The following SND1 variants were observed in gnomAD, a reference collection of about 807,000 sequenced individuals.
The protein encoded by SND1 is staphylococcal nuclease domain-containing protein 1.
In SND1, 38 loss-of-function variants were observed where a neutral mutation model predicts 121.7. The observed-to-expected ratio is 0.31, with a 90% confidence interval of 0.24 to 0.41. The LOEUF (loss-of-function observed/expected upper bound fraction) is 0.41, where lower values mean the gene tolerates loss of function less well. SND1 is among the 10% of genes least tolerant of loss of function. The probability of loss-of-function intolerance (pLI) is 1.00; values close to 1 mark genes in which losing one functional copy is unlikely to be tolerated. For missense variants in SND1, 868 were observed against 1,184.6 expected (o/e 0.73, Z 3.92); for synonymous variants, 401 against 447.4 (o/e 0.90, Z 1.31).
intron 16 of SND1, among the ~76,000 whole-genome samples, chr7:128,043,492 T>G (rs1354323040): frequency 6.6e-6 from 1 of 151,966 alleles, no homozygotes; most frequent in Non-Finnish European, 1.5e-5. Context: ...GAGAATCACT[T>G]GAACCCCAGA....
At chr7:128,060,047 G>A (rs1199795253) in intron 16 of SND1, among the ~76,000 whole-genome samples, 1 of 152,210 alleles carries the variant, frequency 6.6e-6, no homozygotes, top group African/African-American at 2.4e-5. Context: ...GAGTGGATCA[G>A]GGAAGGCTTC....
chr7:128,057,076 A>C (rs1031970633), intron 16 of SND1, among the ~76,000 whole-genome samples: 1 of 152,168 alleles, frequency 6.6e-6, no homozygotes, highest in African/African-American at 2.4e-5. Context: ...TCATCACGCT[A>C]CTCAGAACGG....
At chr7:127,712,582 A>G (rs1796315203) in intron 9 of SND1, among the ~76,000 whole-genome samples, 1 of 152,310 alleles carries the variant, frequency 6.6e-6, no homozygotes, top group East Asian at 1.9e-4. Flanking sequence ...TTGGCAGATT[A>G]GGGAGAGTGG....
intron 16 of SND1, 28 bp downstream of exon 16, chr7:127,991,084 G>A (rs967921251): frequency 1.3e-6 from 2 of 1,535,678 alleles, no homozygotes; most frequent in Admixed American, 1.7e-5. Context: ...TGCTTCTTCT[G>A]TGAGGAGGGG....
chr7:127,986,388 A>G (rs1802390935), intron 15 of SND1, among the ~76,000 whole-genome samples: 1 of 152,226 alleles, frequency 6.6e-6, no homozygotes, highest in Admixed American at 6.5e-5. Context: ...TCAAAAGGGT[A>G]TAACCAAAAT....
intron 12 of SND1, 60 bp downstream of exon 12, chr7:127,844,484 T>TA: frequency 2.3e-6 from 3 of 1,318,788 alleles, no homozygotes; most frequent in Non-Finnish European, 3.2e-6. Context: ...AGTTCTTTGC[T>TA]CATTTGAATC....
chr7:127,779,627 T>C (rs922256774), intron 10 of SND1, among the ~76,000 whole-genome samples: 1 of 152,200 alleles, frequency 6.6e-6, no homozygotes, highest in Non-Finnish European at 1.5e-5. Context: ...TGCAGGTCAC[T>C]GGGGACACTT....
intron 10 of SND1, among the ~76,000 whole-genome samples, chr7:127,797,671 A>G (rs950972022): frequency 6.6e-6 from 1 of 152,220 alleles, no homozygotes; most frequent in African/African-American, 2.4e-5. Flanking sequence ...TGTGGGAGCC[A>G]CTTTGCTGCT....
At chr7:127,677,736 A>G (rs1019442190) in intron 1 of SND1, among the ~76,000 whole-genome samples, 1 of 152,208 alleles carries the variant, frequency 6.6e-6, no homozygotes, top group African/African-American at 2.4e-5. Context: ...TTTGACTTTC[A>G]TACTCTTTTG....
chr7:127,808,320 G>A (rs996703791), intron 11 of SND1, among the ~76,000 whole-genome samples: 5 of 151,940 alleles, frequency 3.3e-5, no homozygotes, highest in African/African-American at 4.8e-5. Flanking sequence ...GCACCACCAC[G>A]CCTGGCTAAT....
At chr7:128,011,949 T>C (rs1277547928) in intron 16 of SND1, among the ~76,000 whole-genome samples, 3 of 152,196 alleles carry the variant, frequency 2.0e-5, no homozygotes, top group Non-Finnish European at 4.4e-5. Context: ...TTCATTAGTA[T>C]CCTATTTTCA....
chr7:128,087,151 T>C lies in SND1; in HGVS notation c.2418+100T>C, dbSNP rs971974972. The C allele has an allele frequency of 8.0e-6, 7 of 870,578 alleles. No homozygotes were observed. The East Asian group carries it at 1.0e-4, about 13-fold the overall frequency. The allele number at this position is 870,578 out of a possible 1,614,324, so 53.9% of individuals were successfully genotyped here. ...TGACAGGAGAAGATGGAAACTATGA[T>C]GGTCTCTTAGTAATAGTACTCAAGA... On this transcript the variant is annotated intron_variant, in intron 21 of 23. Transcript: ENST00000354725.
chr7:127,911,190 T>C (rs1800445341), intron 14 of SND1, among the ~76,000 whole-genome samples: 1 of 152,210 alleles, frequency 6.6e-6, no homozygotes, highest in Admixed American at 6.5e-5. Flanking sequence ...TATTGAACTC[T>C]AGTTGGACTA....
At chr7:127,963,009 C>G (rs1801768997) in intron 15 of SND1, among the ~76,000 whole-genome samples, 1 of 152,168 alleles carries the variant, frequency 6.6e-6, no homozygotes, top group Non-Finnish European at 1.5e-5. Flanking sequence ...CAAGTCAAAT[C>G]AACAATTACT....
intron 15 of SND1, among the ~76,000 whole-genome samples, chr7:127,945,267 C>T (rs1294401910): frequency 1.1e-4 from 16 of 152,198 alleles, no homozygotes; most frequent in Non-Finnish European, 2.1e-4. Context: ...CCGAGGTGGG[C>T]GGATCACGAG....
chr7:128,004,414 C>T (rs1269184867), intron 16 of SND1, among the ~76,000 whole-genome samples: 1 of 152,124 alleles, frequency 6.6e-6, no homozygotes, highest in Non-Finnish European at 1.5e-5. Context: ...TTTCTGTCAC[C>T]AGCAACTGAA....
At position 127,704,904 on chromosome 7, in the gene SND1, A is replaced by C; in HGVS notation, c.906A>C (p.Ala302=). The C allele has an allele frequency of 6.2e-7, 1 of 1,614,072 alleles. No homozygotes were observed. The highest frequency in any genetic ancestry group is 8.5e-7 in the Non-Finnish European group (1 of 1,179,970). Residue 302 remains alanine (A), a synonymous_variant, in exon 8 of 24, where the codon GCA becomes GCC. Coordinates refer to ENST00000354725, the MANE Select transcript of SND1 (RefSeq NM_014390.4). ...GFARCVDWSI[A]VYTRGAEKLR... is the part of the protein sequence containing the mutation. Reference sequence around the variant, plus strand: ...CACGCTGTGTGGACTGGTCGATTGCAGTTTACACCCGGGGCGCAGAAAAGC... The same window carrying C: ...CACGCTGTGTGGACTGGTCGATTGCCGTTTACACCCGGGGCGCAGAAAAGC...
intron 14 of SND1, among the ~76,000 whole-genome samples, chr7:127,921,032 CA>C (rs1320975604): frequency 6.6e-6 from 1 of 152,114 alleles, no homozygotes; most frequent in Non-Finnish European, 1.5e-5. Flanking sequence ...GAAAGTCATT[CA>C]GTAAGAGAAC....
chr7:128,041,341 C>T (rs1458007028), intron 16 of SND1, among the ~76,000 whole-genome samples: 1 of 152,146 alleles, frequency 6.6e-6, no homozygotes, highest in Non-Finnish European at 1.5e-5. Flanking sequence ...CACCGGGAAA[C>T]CAGCCCAGCG....
Sources: gnomAD v4.1 joint callset for allele counts (sites outside exome capture counted in the v4.1 genomes callset) on GRCh38, gnomAD v4.1.1 for gene constraint, MANE v1.5 for transcripts, NCBI Gene and HGNC (gene_info 2026-07-23, HGNC 2026-07-21) for gene names.